CDHR3: variants seen among roughly 807,000 people sequenced by gnomAD.
CDHR3 encodes the protein cadherin related family member 3.
A neutral mutation model predicts 86.6 loss-of-function variants in CDHR3; 79 were observed. The ratio of observed to expected loss-of-function variants is 0.91; its 90% CI spans 0.76 to 1.10. The LOEUF is 1.10. Ranked by LOEUF, CDHR3 falls within the 50% of genes least tolerant of loss-of-function variation. The pLI is 0.00. For synonymous variants in CDHR3, 421 were observed against 402.4 expected (o/e 1.05, Z -0.55); for missense variants, 1,081 against 1,077.6 (o/e 1.00, Z -0.04).
intron 8 of CDHR3, among the ~76,000 whole-genome samples, chr7:106,006,751 G>A (rs960487819): frequency 1.3e-5 from 2 of 152,176 alleles, no homozygotes; most frequent in Non-Finnish European, 2.9e-5. Flanking sequence ...GAGTGCCTGT[G>A]GCTTTTCCAG....
intron 4 of CDHR3, among the ~76,000 whole-genome samples, chr7:105,992,728 T>A (rs1831548509): frequency 6.6e-6 from 1 of 152,172 alleles, no homozygotes; most frequent in Non-Finnish European, 1.5e-5. Flanking sequence ...TGAACAGATA[T>A]TATAATTTTG....
chr7:106,018,816 C>T (rs1836075046), intron 12 of CDHR3, among the ~76,000 whole-genome samples: 2 of 151,912 alleles, frequency 1.3e-5, no homozygotes, highest in Admixed American at 6.6e-5. Flanking sequence ...GATCTTAAAA[C>T]GATGCTGTGC....
chr7:105,963,346 C>G lies in CDHR3; in HGVS notation c.28C>G (p.Leu10Val), dbSNP rs763599590. Residue 10 changes from leucine to valine, a missense_variant, in exon 1 of 19, where the codon CTC becomes GTC. Transcript: ENST00000317716. ...GCAGGAAGCAATCATTCTCCTGGCT[C>G]TCCTGGGTGCCATGTCAGGTAGGAA... MQEAIILLA[L>V]LGAMSGGEAL... 2 of 1,614,024 alleles carry G rather than the reference C, an allele frequency of 1.2e-6. No individual in the cohort carries two copies. The highest frequency in any genetic ancestry group is 1.7e-6 in the Non-Finnish European group (2 of 1,179,874).
intron 12 of CDHR3, among the ~76,000 whole-genome samples, chr7:106,018,700 A>G (rs1836048832): frequency 6.6e-6 from 1 of 152,082 alleles, no homozygotes; most frequent in African/African-American, 2.4e-5. Context: ...TGTTGGTGAA[A>G]TGCACACTTC....
At chr7:105,969,337 C>T (rs1248089477) in intron 1 of CDHR3, among the ~76,000 whole-genome samples, 18 of 135,118 alleles carry the variant, frequency 1.3e-4, no homozygotes, top group African/African-American at 4.2e-4. Context: ...GGGGCGGAGC[C>T]TGCAGTGAGC....
rs375048224 is a variant in CDHR3 at position 106,012,986 on chromosome 7, C to T, written c.1179C>T (p.Ser393=). 27 of 1,611,702 alleles carry T rather than the reference C, an allele frequency of 1.7e-5. No homozygotes were observed. The highest frequency in any genetic ancestry group is 4.5e-5 in the East Asian group (2 of 44,778). The change falls in exon 9 of 19, where the codon AGC becomes AGT. Residue 393 remains serine, a synonymous_variant. Transcript: ENST00000317716. ...FNFTMPSGVG[S]GSRFLQDPAG... ...TCACCATGCCATCTGGAGTGGGGAG[C>T]GGCAGCAGATTTTTACAGGATCCAG...
At chr7:105,995,553 C>T (rs938025454) in intron 5 of CDHR3, among the ~76,000 whole-genome samples, 8 of 152,066 alleles carry the variant, frequency 5.3e-5, no homozygotes, top group Admixed American at 2.6e-4. Flanking sequence ...ATGGCCTTGT[C>T]GAGCCGGTGA....
In CDHR3 at chr7:106,032,405, C is replaced by A. The variant is rs1563317233; in HGVS notation, c.2366C>A (p.Thr789Lys). The part of the protein sequence containing the change: ...GEAIDPVTGE[T>K]YEFNSKTGAR... ...TTTTTTTCACTAGTGACCGGGGAAA[C>A]ATATGAATTCAACTCAAAAACTGGA... Residue 789 changes from threonine to lysine, a missense_variant, in exon 19 of 19, where the codon ACA becomes AAA. Thr to Lys is a moderately conservative substitution (Grantham distance 78). Coordinates refer to ENST00000317716, the MANE Select transcript of CDHR3 (RefSeq NM_152750.5). The A allele has an allele frequency of 6.2e-7, 1 of 1,608,382 alleles. No homozygotes were observed. Among genetic ancestry groups the A allele is most frequent in the African/African-American group, 1.3e-5 (1 of 74,714 alleles).
In CDHR3 at chr7:105,984,212, G is replaced by A; in HGVS notation, c.436G>A (p.Glu146Lys). The change falls in exon 4 of 19, where the codon GAA becomes AAA. Residue 146 changes from glutamate (E) to lysine (K), a missense_variant. Transcript: ENST00000317716. ...LAEGLHLYIVERANPGFIYQV... is the reference protein window; with the variant it reads ...LAEGLHLYIVKRANPGFIYQV... ...TCTAGGTCTACACCTCTACATAGTAGAAAGAGCAAACCCTGGATTCATTTA... is the reference window on the plus strand; with the variant it reads ...TCTAGGTCTACACCTCTACATAGTAAAAAGAGCAAACCCTGGATTCATTTA... The A allele has an allele frequency of 6.2e-7, 1 of 1,609,224 alleles. No homozygotes were observed. The highest frequency in any genetic ancestry group is 8.5e-7 in the Non-Finnish European group (1 of 1,176,704).
In CDHR3 at chr7:105,963,292, A is replaced by G. The variant is rs1253018293; in HGVS notation, c.-27A>G. On this transcript the variant is annotated 5_prime_UTR_variant, in exon 1 of 19. Transcript: ENST00000317716. Reference sequence around the variant, plus strand: ...ATTCAGGCTGTGGCTAATGTGCTGGAAGCACGCACAGTTGTGACCATCAAG... The same window carrying G: ...ATTCAGGCTGTGGCTAATGTGCTGGGAGCACGCACAGTTGTGACCATCAAG... The G allele has an allele frequency of 2.5e-6, 4 of 1,612,348 alleles. No homozygotes were observed. Among genetic ancestry groups the G allele is most frequent in the Admixed American group, 3.3e-5 (2 of 59,980 alleles).
chr7:105,977,829 C>T (rs1023807494), intron 2 of CDHR3, among the ~76,000 whole-genome samples: 10 of 152,160 alleles, frequency 6.6e-5, no homozygotes, highest in Admixed American at 5.2e-4. Flanking sequence ...ATGCAAGAGG[C>T]CAAGCCTCCC....
chr7:106,018,392 G>A (rs961988605), intron 12 of CDHR3, among the ~76,000 whole-genome samples: 26 of 152,028 alleles, frequency 1.7e-4, no homozygotes, highest in Admixed American at 6.6e-5. Context: ...GTGCACCACC[G>A]TGCGCAGCTA....
chr7:106,018,371 G>A (rs1400318581), intron 12 of CDHR3, among the ~76,000 whole-genome samples: 1 of 152,088 alleles, frequency 6.6e-6, no homozygotes, highest in East Asian at 1.9e-4. Context: ...CAAGTAGCTG[G>A]GATTGCAAGT....
Position 106,032,876 on chromosome 7 carries a change from G to C in CDHR3, c.*179G>C, listed in dbSNP as rs1185312307. The C allele has an allele frequency of 1.7e-6, 1 of 602,182 alleles. No homozygotes were observed. Among genetic ancestry groups the C allele is most frequent in the African/African-American group, 1.8e-5 (1 of 54,118 alleles). 37.3% of individuals were successfully genotyped at this position (602,182 alleles called of 1,614,324 possible). A position where few individuals can be genotyped will look rare whatever the true frequency, so the allele number is the denominator to read the frequency against. On this transcript the variant is annotated 3_prime_UTR_variant, in exon 19 of 19. Transcript: ENST00000317716. ...AAATAGAAAGGGGTTTGATCACATA[G>C]TTGCGTGTTCTGAAATGATACAGGA...
At chr7:105,971,834 C>T (rs993518059) in intron 1 of CDHR3, among the ~76,000 whole-genome samples, 3 of 152,278 alleles carry the variant, frequency 2.0e-5, no homozygotes, top group Non-Finnish European at 2.9e-5. Context: ...CACTCCAGCA[C>T]AATTCTTCGT....
chr7:106,009,047 G>T (rs147325540), intron 8 of CDHR3, among the ~76,000 whole-genome samples: 1 of 152,182 alleles, frequency 6.6e-6, no homozygotes, highest in African/African-American at 2.4e-5. Flanking sequence ...ACTGCAATTC[G>T]AATATCCTAG....
At chr7:106,016,632 G>A (rs73195658) in intron 11 of CDHR3, among the ~76,000 whole-genome samples, 6,010 of 152,144 alleles carry the variant, frequency 0.04, 166 homozygotes, top group South Asian at 0.13. Flanking sequence ...ACTCCCCACA[G>A]CCGTTCATCT....
intron 1 of CDHR3, 46 bp downstream of exon 1, chr7:105,963,410 T>G (rs1037221564): frequency 1.9e-6 from 3 of 1,579,712 alleles, no homozygotes; most frequent in Non-Finnish European, 2.6e-6. Flanking sequence ...CTACTTGGTC[T>G]GCATAATACC....
chr7:106,020,253 A>C, intron 12 of CDHR3, 120 bp from the exon 13 acceptor site: 2 of 785,986 alleles, frequency 2.5e-6, no homozygotes, highest in Non-Finnish European at 4.0e-6. Context: ...CATGTTAGCT[A>C]TCTCATGTGA....
Sources: allele counts gnomAD v4.1 joint callset (sites outside exome capture counted in the v4.1 genomes callset), GRCh38; gene constraint gnomAD v4.1.1; transcripts MANE v1.5; gene names NCBI Gene and HGNC (gene_info 2026-07-23, HGNC 2026-07-21).